Variants in METTL25 observed in about 807,000 individuals in gnomAD.
METTL25 encodes probable methyltransferase-like protein 25.
METTL25 carries 64 observed loss-of-function variants against 71.6 expected under a neutral mutation model. The ratio of observed to expected loss-of-function variants is 0.89; its 90% confidence interval spans 0.73 to 1.10. The LOEUF is 1.10. Among genes scored for constraint, METTL25 ranks in the 50% least tolerant of loss-of-function variants. The pLI, the probability that METTL25 is intolerant of heterozygous loss-of-function variation, is 0.00. For synonymous variants in METTL25, 287 were observed against 250.3 expected (o/e 1.15, Z -1.38); for missense variants, 807 against 707.0 (o/e 1.14, Z -1.60).
At chr12:82,454,389 T>G (rs1387661217) in intron 8 of METTL25, among the ~76,000 whole-genome samples, 2 of 150,366 alleles carry the variant, frequency 1.3e-5, no homozygotes. Context: ...TTCAAGAAAC[T>G]AAGAGAATGC....
chr12:82,453,652 A>G (rs1891294263), intron 8 of METTL25, among the ~76,000 whole-genome samples: 1 of 152,158 alleles, frequency 6.6e-6, no homozygotes, highest in East Asian at 1.9e-4. Flanking sequence ...TTTCTGTTAC[A>G]TATTTCTTCA....
At position 82,358,758 on chromosome 12, in the gene METTL25, T is replaced by G; in HGVS notation, c.193T>G (p.Ser65Ala). The G allele has an allele frequency of 6.2e-7, 1 of 1,613,366 alleles. No individual in the cohort carries two copies. The highest frequency in any genetic ancestry group is 8.5e-7 in the Non-Finnish European group (1 of 1,179,858). The change falls in exon 1 of 12, where the codon TCA becomes GCA. Residue 65 changes from serine to alanine, a missense_variant. By Grantham distance (99) the Ser-to-Ala change is moderately conservative. Transcript: ENST00000248306. ...PETVLAALRK[S>A]ASETEALPSE... ...GACAGTGCTGGCTGCGCTGAGGAAG[T>G]CAGCGTCGGAGACGGAGGCCCTGCC...
intron 1 of METTL25, among the ~76,000 whole-genome samples, chr12:82,377,761 A>G (rs1040432461): frequency 2.6e-5 from 4 of 152,352 alleles, no homozygotes; most frequent in African/African-American, 9.6e-5. Flanking sequence ...TGTGAAAGAT[A>G]GTAATGTTAA....
intron 5 of METTL25, among the ~76,000 whole-genome samples, chr12:82,404,349 T>C (rs917979965): frequency 3.9e-5 from 6 of 152,006 alleles, no homozygotes; most frequent in African/African-American, 1.2e-4. Context: ...AAAATTAGGG[T>C]AAAAAATGAA....
chr12:82,472,186 G>A (rs1417417725), intron 9 of METTL25, among the ~76,000 whole-genome samples: 1 of 152,124 alleles, frequency 6.6e-6, no homozygotes, highest in Non-Finnish European at 1.5e-5. Flanking sequence ...GTTCACTTAT[G>A]TCTATAAAGA....
intron 1 of METTL25, among the ~76,000 whole-genome samples, chr12:82,359,927 T>C (rs1227128793): frequency 6.6e-6 from 1 of 152,194 alleles, no homozygotes; most frequent in East Asian, 1.9e-4. Context: ...TTTTAAGTAA[T>C]TGTTATTGAA....
In METTL25 at chr12:82,371,937, G is replaced by T. The variant is rs544146772; in HGVS notation, c.259+13113G>T. ...TTTACGACTCCAGTCCTCATGATCTGAGTCTATATCCCAGTGGATCCATAC... is the reference window on the plus strand; with the variant it reads ...TTTACGACTCCAGTCCTCATGATCTTAGTCTATATCCCAGTGGATCCATAC... On this transcript the variant is annotated intron_variant, in intron 1 of 11. Coordinates refer to ENST00000248306, the MANE Select transcript of METTL25 (RefSeq NM_032230.3). Among the ~76,000 whole-genome samples the T allele has an allele frequency of 2.6e-5, 4 of 152,266 alleles. No homozygotes were observed. The East Asian group carries it at 7.7e-4, about 29-fold the overall frequency.
At chr12:82,454,700 A>G (rs930799128) in intron 8 of METTL25, among the ~76,000 whole-genome samples, 1 of 151,996 alleles carries the variant, frequency 6.6e-6, no homozygotes, top group Non-Finnish European at 1.5e-5. Flanking sequence ...ATTTTCAAGT[A>G]GTCTGAAGGA....
chr12:82,373,350 G>C (rs1220220776), intron 1 of METTL25, among the ~76,000 whole-genome samples: 2 of 152,116 alleles, frequency 1.3e-5, no homozygotes, highest in Non-Finnish European at 2.9e-5. Context: ...TCTGTGGCGG[G>C]ATCCTAAAAT....
chr12:82,453,459 A>G (rs1464890588), intron 8 of METTL25, among the ~76,000 whole-genome samples: 1 of 152,148 alleles, frequency 6.6e-6, no homozygotes, highest in African/African-American at 2.4e-5. Flanking sequence ...ATGAAGTCAG[A>G]TGTTGGAAAG....
intron 5 of METTL25, among the ~76,000 whole-genome samples, chr12:82,406,931 GT>G (rs912504441): frequency 9.8e-4 from 144 of 146,728 alleles, no homozygotes; most frequent in Middle Eastern, 3.5e-3. Context: ...TTAAAATCAA[GT>G]TTTTTTTTTT....
chr12:82,477,246 AC>A, intron 10 of METTL25, 34 bp from the exon 11 acceptor site: 2 of 957,674 alleles, frequency 2.1e-6, no homozygotes, highest in Non-Finnish European at 3.1e-6. Flanking sequence ...TTTTTTAAGT[AC>A]CACCAACCTA....
chr12:82,415,823 C>G (rs1265455473), intron 5 of METTL25, among the ~76,000 whole-genome samples: 1 of 152,120 alleles, frequency 6.6e-6, no homozygotes, highest in Non-Finnish European at 1.5e-5. Flanking sequence ...CCTTCACGGG[C>G]CATCCAGAAA....
chr12:82,382,954 C>T (rs1011987638), intron 1 of METTL25, among the ~76,000 whole-genome samples: 2 of 152,200 alleles, frequency 1.3e-5, no homozygotes, highest in Admixed American at 6.5e-5. Flanking sequence ...AGGCAATCCT[C>T]ATGTCTCAGC....
chr12:82,454,971 C>G (rs530361915), intron 8 of METTL25, among the ~76,000 whole-genome samples: 2 of 151,818 alleles, frequency 1.3e-5, no homozygotes, highest in African/African-American at 4.8e-5. Context: ...GAAGTAAATG[C>G]TATTGATATC....
intron 5 of METTL25, among the ~76,000 whole-genome samples, chr12:82,430,374 G>GTTAGTA (rs1215695598): frequency 6.6e-6 from 1 of 151,294 alleles, no homozygotes; most frequent in East Asian, 1.9e-4. Context: ...ATTACAGTCT[G>GTTAGTA]TTAGTATAAT....
chr12:82,363,960 TAAAGG>T (rs1031216188), intron 1 of METTL25, among the ~76,000 whole-genome samples: 2 of 152,322 alleles, frequency 1.3e-5, no homozygotes, highest in East Asian at 1.9e-4. Flanking sequence ...CTGGGAGAAT[TAAAGG>T]AAACTATGGT....
At chr12:82,434,627 T>G (rs75885516) in intron 6 of METTL25, 68 bp from the exon 7 acceptor site, 3 of 1,245,908 alleles carry the variant, frequency 2.4e-6, no homozygotes, top group Non-Finnish European at 3.4e-6. Context: ...CAAACTCTTA[T>G]ACAGTGTGTT....
chr12:82,476,626 T>C lies in METTL25; in HGVS notation c.1573-18T>C. On this transcript the variant is annotated intron_variant, in intron 9 of 11. Transcript: ENST00000248306. ...TTTTAAACTATCGTTAAATTTATTG[T>C]TGTTTTTTATCTTGAAGCTGCCAGA... The C allele has an allele frequency of 6.7e-7, 1 of 1,496,416 alleles. No homozygotes were observed. Among genetic ancestry groups the C allele is most frequent in the Non-Finnish European group, 9.2e-7 (1 of 1,085,032 alleles). The allele number at this position is 1,496,416 out of a possible 1,614,324, so 92.7% of individuals were successfully genotyped here. A position where few individuals can be genotyped will look rare whatever the true frequency, so the allele number is the denominator to read the frequency against.
Sources: gnomAD v4.1 joint callset for allele counts (sites outside exome capture counted in the v4.1 genomes callset) on GRCh38, gnomAD v4.1.1 for gene constraint, MANE v1.5 for transcripts, NCBI Gene and HGNC (gene_info 2026-07-23, HGNC 2026-07-21) for gene names.